The following NRXN3 variants were observed in gnomAD, a reference collection of about 807,000 sequenced individuals.
The protein encoded by NRXN3 is neurexin III.
A neutral mutation model predicts 137.6 loss-of-function variants in NRXN3; 32 were observed. The ratio of observed to expected loss-of-function variants is 0.23; its 90% CI spans 0.18 to 0.31. The LOEUF (loss-of-function observed/expected upper bound fraction) is 0.31, where lower values mean the gene tolerates loss of function less well. Ranked by LOEUF, NRXN3 falls within the 10% of genes least tolerant of loss-of-function variation. The pLI is 1.00. For missense variants in NRXN3, 1,574 were observed against 2,062.5 expected, an observed-to-expected ratio of 0.76 and a Z score of 4.59; for synonymous variants, 798 against 784.5, an observed-to-expected ratio of 1.02 and a Z score of -0.29.
chr14:79,310,665 A>C (rs1354299733), intron 15 of NRXN3, among the ~76,000 whole-genome samples: 1 of 21,364 alleles, frequency 4.7e-5, no homozygotes, highest in African/African-American at 2.6e-4. Flanking sequence ...TGTAAGTTGG[A>C]TTCCTAGGTA....
At position 78,309,168 on chromosome 14, in the gene NRXN3, C is replaced by T. The variant is rs529071481; in HGVS notation, c.757+11308C>T. Among the ~76,000 whole-genome samples the T allele has an allele frequency of 2.6e-5, 4 of 152,072 alleles. No homozygotes were observed. In the East Asian group the frequency reaches 5.8e-4, roughly 22 times the overall value. ...ATGCATTATATGGTTTCAAAATAGGCCCAAGGAAAAATAGAAATCTGGGTG... is the reference window on the plus strand; with the variant it reads ...ATGCATTATATGGTTTCAAAATAGGTCCAAGGAAAAATAGAAATCTGGGTG... On this transcript the variant is annotated intron_variant, in intron 4 of 20. Transcript: ENST00000335750.
intron 15 of NRXN3, among the ~76,000 whole-genome samples, chr14:79,374,271 A>G (rs182219538): frequency 1.3e-5 from 2 of 152,288 alleles, no homozygotes; most frequent in African/African-American, 2.4e-5. Flanking sequence ...CTGTTGGCCA[A>G]AGGGACCCCA....
intron 16 of NRXN3, among the ~76,000 whole-genome samples, chr14:79,529,048 A>T (rs1275871213): frequency 6.6e-6 from 1 of 152,196 alleles, no homozygotes; most frequent in Non-Finnish European, 1.5e-5. Flanking sequence ...TAGCAGGACG[A>T]GCCGCAGACG....
intron 14 of NRXN3, among the ~76,000 whole-genome samples, chr14:78,977,810 G>T: frequency 6.6e-6 from 1 of 152,160 alleles, no homozygotes; most frequent in East Asian, 1.9e-4. Flanking sequence ...AATTTTGTAA[G>T]CCAGTTTACA....
At chr14:79,539,589 TGA>T (rs1362111749) in intron 16 of NRXN3, among the ~76,000 whole-genome samples, 1 of 152,212 alleles carries the variant, frequency 6.6e-6, no homozygotes, top group African/African-American at 2.4e-5. Flanking sequence ...CCTTGCTATT[TGA>T]GTTTCACTTA....
intron 20 of NRXN3, among the ~76,000 whole-genome samples, chr14:79,845,607 A>AGAGAGAGACGGAGACGGG: frequency 7.0e-6 from 1 of 142,118 alleles, no homozygotes; most frequent in African/African-American, 2.6e-5. Context: ...AGAGAGACAG[A>AGAGAGAGACGGAGACGGG]GAGAGAGACG....
At chr14:79,177,045 G>C (rs1234881070) in intron 15 of NRXN3, among the ~76,000 whole-genome samples, 1 of 152,176 alleles carries the variant, frequency 6.6e-6, no homozygotes, top group Non-Finnish European at 1.5e-5. Context: ...AATAGCTCTA[G>C]AGAAAAATAT....
chr14:78,237,112 A>G (rs544794739), intron 1 of NRXN3, among the ~76,000 whole-genome samples: 2 of 152,234 alleles, frequency 1.3e-5, no homozygotes, highest in Non-Finnish European at 2.9e-5. Context: ...GTTCAAGTGC[A>G]TGGGCAAATG....
intron 15 of NRXN3, among the ~76,000 whole-genome samples, chr14:79,020,551 C>T (rs1454955011): frequency 6.6e-6 from 1 of 151,364 alleles, no homozygotes; most frequent in African/African-American, 2.4e-5. Context: ...AGGTGTGAGC[C>T]ACCACGCCTG....
intron 16 of NRXN3, among the ~76,000 whole-genome samples, chr14:79,619,279 A>T (rs1048632505): frequency 1.3e-5 from 2 of 152,128 alleles, no homozygotes; most frequent in African/African-American, 4.8e-5. Context: ...TTCTTTGCCA[A>T]GGCCAACGTT....
intron 15 of NRXN3, among the ~76,000 whole-genome samples, chr14:79,002,380 C>T (rs1456007021): frequency 6.6e-6 from 1 of 152,022 alleles, no homozygotes; most frequent in Non-Finnish European, 1.5e-5. Flanking sequence ...GATCCTATCC[C>T]CTGACAGGCC....
intron 16 of NRXN3, among the ~76,000 whole-genome samples, chr14:79,567,576 G>A (rs766605616): frequency 6.6e-6 from 1 of 151,844 alleles, no homozygotes; most frequent in Non-Finnish European, 1.5e-5. Flanking sequence ...TCTTCACTTA[G>A]CAATATTTAA....
intron 16 of NRXN3, among the ~76,000 whole-genome samples, chr14:79,631,623 G>A (rs976521480): frequency 3.9e-5 from 6 of 152,268 alleles, no homozygotes; most frequent in Non-Finnish European, 7.3e-5. Flanking sequence ...AGTCGCCAGT[G>A]AGTGCCACTG....
chr14:78,532,285 C>T (rs1284449489), intron 4 of NRXN3, among the ~76,000 whole-genome samples: 1 of 150,570 alleles, frequency 6.6e-6, no homozygotes, highest in Non-Finnish European at 1.5e-5. Context: ...CGCGCCATTG[C>T]ACTCCAGCCT....
chr14:78,276,690 AT>A (rs1421292876), intron 2 of NRXN3, among the ~76,000 whole-genome samples: 1 of 152,166 alleles, frequency 6.6e-6, no homozygotes, highest in African/African-American at 2.4e-5. Context: ...GAAATTTAAG[AT>A]TGTAATCACA....
intron 1 of NRXN3, among the ~76,000 whole-genome samples, chr14:78,186,619 G>A (rs976803281): frequency 2.0e-4 from 30 of 152,328 alleles, no homozygotes; most frequent in Middle Eastern, 3.4e-3. Context: ...TCAATAGGAC[G>A]CTTTTTGTTT....
intron 4 of NRXN3, among the ~76,000 whole-genome samples, chr14:78,334,489 C>G (rs1231374817): frequency 6.6e-6 from 1 of 152,116 alleles, no homozygotes; most frequent in Non-Finnish European, 1.5e-5. Flanking sequence ...CGGGAGGGCT[C>G]CTCCCCGAGG....
At chr14:78,770,801 G>A (rs7149415) in intron 8 of NRXN3, among the ~76,000 whole-genome samples, 45,644 of 152,022 alleles carry the variant, frequency 0.3, 12,504 homozygotes, top group African/African-American at 0.73. Context: ...ATGGATACAG[G>A]GGGATTAACT....
At chr14:79,685,277 G>A (rs756558582) in intron 17 of NRXN3, among the ~76,000 whole-genome samples, 15 of 151,786 alleles carry the variant, frequency 9.9e-5, no homozygotes, top group Non-Finnish European at 1.6e-4. Flanking sequence ...TTATTATTAC[G>A]ATCCCCTTTT....
Sources: gnomAD v4.1 joint callset for allele counts (sites outside exome capture counted in the v4.1 genomes callset) on GRCh38, gnomAD v4.1.1 for gene constraint, MANE v1.5 for transcripts, NCBI Gene and HGNC (gene_info 2026-07-23, HGNC 2026-07-21) for gene names.